The following KCNMB2 variants were observed in gnomAD, a reference collection of about 807,000 sequenced individuals.
The protein encoded by KCNMB2 is potassium calcium-activated channel subfamily M regulatory beta subunit 2, also known as calcium-activated potassium channel subunit beta-2.
KCNMB2 carries 9 observed loss-of-function variants against 24.5 expected under a neutral mutation model. The observed-to-expected ratio is 0.37, with a 90% CI of 0.22 to 0.64. KCNMB2 has a LOEUF of 0.64. Among genes scored for constraint, KCNMB2 ranks in the 30% least tolerant of loss-of-function variants. The pLI is 0.63. For synonymous variants in KCNMB2, 109 were observed against 104.4 expected (o/e 1.04, Z -0.27); for missense variants, 226 against 284.3 (o/e 0.79, Z 1.47).
intron 1 of KCNMB2, among the ~76,000 whole-genome samples, chr3:178,677,863 A>G (rs1721121475): frequency 6.6e-6 from 1 of 152,184 alleles, no homozygotes; most frequent in Non-Finnish European, 1.5e-5. Flanking sequence ...GGAGCTATGA[A>G]TATTCAGGAA....
At chr3:178,833,184 C>T (rs950770131) in intron 4 of KCNMB2, among the ~76,000 whole-genome samples, 9 of 152,122 alleles carry the variant, frequency 5.9e-5, no homozygotes, top group Non-Finnish European at 1.2e-4. Context: ...ACTATTCTCC[C>T]AGGATGCAGC....
At chr3:178,738,957 G>A (rs1214112563) in intron 1 of KCNMB2, among the ~76,000 whole-genome samples, 1 of 152,074 alleles carries the variant, frequency 6.6e-6, no homozygotes, top group African/African-American at 2.4e-5. Flanking sequence ...TTCCCAACAT[G>A]TAGAAAATAA....
At position 178,669,571 on chromosome 3, in the gene KCNMB2, G is replaced by C. The variant is rs114067175; in HGVS notation, c.-68+132860G>C. 4.1e-3 allele frequency among the ~76,000 whole-genome samples: 619 copies of C among 152,172 alleles called. 4 individuals carry two copies. The highest frequency in any genetic ancestry group is 5.9e-3 in the Non-Finnish European group (398 of 68,000). The stretch of plus-strand genomic sequence containing the variant: ...GCCTCACCTAATCAACCTCACCAAT[G>C]TGTATGCAACACATTGGCTAAATTC... On this transcript the variant is annotated intron_variant, in intron 1 of 4. Coordinates refer to ENST00000452583, the MANE Select transcript of KCNMB2 (RefSeq NM_181361.3).
intron 1 of KCNMB2, among the ~76,000 whole-genome samples, chr3:178,629,124 G>T (rs551815318): frequency 6.6e-6 from 1 of 152,138 alleles, no homozygotes; most frequent in African/African-American, 2.4e-5. Context: ...CCCTATTTCA[G>T]TTCCCGGTTA....
In KCNMB2 at chr3:178,603,203, G is replaced by A. The variant is rs1219048829; in HGVS notation, c.-68+66492G>A. ...ATGGCATTTGGGTCCTGAGGGTGGTGCTTATAAGTCTCATAAGTAGAATGT... is the reference window on the plus strand; with the variant it reads ...ATGGCATTTGGGTCCTGAGGGTGGTACTTATAAGTCTCATAAGTAGAATGT... On this transcript the variant is annotated intron_variant, in intron 1 of 4. Coordinates refer to ENST00000452583, the MANE Select transcript of KCNMB2 (RefSeq NM_181361.3). 3.3e-5 allele frequency among the ~76,000 whole-genome samples: 5 copies of A among 152,246 alleles called. 1 individual carries two copies. The South Asian group carries it at 8.3e-4, about 25-fold the overall frequency.
chr3:178,800,026 T>G (rs1364657151), intron 1 of KCNMB2, among the ~76,000 whole-genome samples: 2 of 151,904 alleles, frequency 1.3e-5, no homozygotes, highest in African/African-American at 4.8e-5. Context: ...AAAAAACAAA[T>G]CAAAATGGAT....
intron 1 of KCNMB2, among the ~76,000 whole-genome samples, chr3:178,626,769 G>T (rs1577058489): frequency 1.3e-5 from 2 of 151,812 alleles, no homozygotes; most frequent in African/African-American, 4.8e-5. Context: ...TGAGATTTGG[G>T]TGGGGACACA....
intron 1 of KCNMB2, among the ~76,000 whole-genome samples, chr3:178,769,061 C>A (rs1205821288): frequency 2.6e-5 from 4 of 152,190 alleles, no homozygotes; most frequent in Non-Finnish European, 5.9e-5. Context: ...ACATTTACGC[C>A]ATCTACTGAA....
At chr3:178,790,635 C>T (rs1713285130) in intron 1 of KCNMB2, among the ~76,000 whole-genome samples, 2 of 152,214 alleles carry the variant, frequency 1.3e-5, no homozygotes, top group African/African-American at 4.8e-5. Context: ...GCAGTGGTCA[C>T]TGTGCACCTT....
intron 1 of KCNMB2, among the ~76,000 whole-genome samples, chr3:178,708,623 C>T (rs1371908080): frequency 1.3e-5 from 2 of 152,078 alleles, no homozygotes; most frequent in Non-Finnish European, 2.9e-5. Context: ...GTAGCAATAG[C>T]ATCACCTACA....
At position 178,822,028 on chromosome 3, in the gene KCNMB2, C is replaced by A. The variant is rs375359449; in HGVS notation, c.57-3560C>A. On this transcript the variant is annotated intron_variant, in intron 2 of 4. Coordinates refer to ENST00000452583, the MANE Select transcript of KCNMB2 (RefSeq NM_181361.3). ...ATCATTTTGAAACTCAATCGTGTCA[C>A]CCTCTGACAGATTCCTATTCACTAC... is the stretch of plus-strand genomic sequence containing the variant. Among the ~76,000 whole-genome samples the A allele has an allele frequency of 1.7e-4, 26 of 152,286 alleles. 1 individual carries two copies. In the East Asian group the frequency reaches 3.3e-3, roughly 19 times the overall value.
chr3:178,673,306 C>G (rs56941497), intron 1 of KCNMB2, among the ~76,000 whole-genome samples: 12,590 of 152,088 alleles, frequency 0.083, 552 homozygotes, highest in Middle Eastern at 0.13. Context: ...TCAAGTGGGC[C>G]TAAGGGAAAA....
intron 1 of KCNMB2, among the ~76,000 whole-genome samples, chr3:178,586,538 C>CTGTTTTTTTTTTTTTTTTTTTTTTT (rs1717439159): frequency 1.5e-5 from 1 of 68,500 alleles, no homozygotes; most frequent in Admixed American, 2.5e-4. Flanking sequence ...TTTTTTCTTT[C>CTGTTTTTTTTTTTTTTTTTTTTTTT]TTTTTTTTTT....
chr3:178,835,002 G>A (rs530558239), intron 4 of KCNMB2, among the ~76,000 whole-genome samples: 2 of 151,878 alleles, frequency 1.3e-5, no homozygotes, highest in South Asian at 2.1e-4. Flanking sequence ...CTCACTTTAG[G>A]ACTAATTGGA....
intron 2 of KCNMB2, chr3:178,824,543 A>AT (rs75113592): frequency 0.012 from 1,878 of 152,426 alleles, 17 homozygotes; most frequent in Non-Finnish European, 0.018. Context: ...AATTTTTTGT[A>AT]TTTTTTTTTT....
intron 1 of KCNMB2, among the ~76,000 whole-genome samples, chr3:178,806,001 C>G (rs992235328): frequency 6.6e-6 from 1 of 152,098 alleles, no homozygotes; most frequent in Non-Finnish European, 1.5e-5. Context: ...CATTGGCACG[C>G]ACCGGTAGTC....
chr3:178,839,756 G>A (rs1271416179), intron 4 of KCNMB2, among the ~76,000 whole-genome samples: 1 of 152,062 alleles, frequency 6.6e-6, no homozygotes, highest in African/African-American at 2.4e-5. Context: ...AACAGCATGG[G>A]GAAGCCACCT....
Position 178,799,082 on chromosome 3 carries a change from G to A in KCNMB2, c.-67-8261G>A, listed in dbSNP as rs1200221341. Among the ~76,000 whole-genome samples the A allele has an allele frequency of 2.6e-5, 4 of 151,958 alleles. No homozygotes were observed. The East Asian group carries it at 7.7e-4, about 29-fold the overall frequency. ...ACCCATAGCTGATATCATACTGAAT[G>A]GGGAAAAAATGAAAGCCTTTTCTCT... On this transcript the variant is annotated intron_variant, in intron 1 of 4. Coordinates refer to ENST00000452583, the MANE Select transcript of KCNMB2 (RefSeq NM_181361.3).
intron 1 of KCNMB2, among the ~76,000 whole-genome samples, chr3:178,790,765 A>G (rs895426431): frequency 6.6e-6 from 1 of 152,196 alleles, no homozygotes; most frequent in African/African-American, 2.4e-5. Context: ...ACAAAGAGAG[A>G]CACTTCATTT....
Sources: allele counts gnomAD v4.1 joint callset (sites outside exome capture counted in the v4.1 genomes callset), GRCh38; gene constraint gnomAD v4.1.1; transcripts MANE v1.5; gene names NCBI Gene and HGNC (gene_info 2026-07-23, HGNC 2026-07-21).